Variants in GATAD2B observed in about 807,000 individuals in gnomAD.
GATAD2B encodes GATA zinc finger domain containing 2B.
In GATAD2B, 8 loss-of-function variants were observed where a neutral mutation model predicts 64.3. The observed-to-expected ratio is 0.12, with a 90% CI of 0.07 to 0.22. The LOEUF (loss-of-function observed/expected upper bound fraction) is 0.22, where lower values mean the gene tolerates loss of function less well. Ranked by LOEUF, GATAD2B falls within the 10% of genes least tolerant of loss-of-function variation. The pLI is 1.00. For synonymous variants in GATAD2B, 281 were observed against 271.3 expected, an observed-to-expected ratio of 1.04 and a Z score of -0.35; for missense variants, 453 against 752.0, an observed-to-expected ratio of 0.60 and a Z score of 4.65.
In GATAD2B at chr1:153,849,211, G is replaced by A. The variant is rs76900034; in HGVS notation, c.-1-20863C>T. On this transcript the variant is annotated intron_variant, in intron 1 of 10. Transcript: ENST00000368655. ...TATTTATTGGCACACAGTTCCAGAAGTTGGGAAGCCTAACATCAAGGTACT... is the reference window on the plus strand; with the variant it reads ...TATTTATTGGCACACAGTTCCAGAAATTGGGAAGCCTAACATCAAGGTACT... 6.6e-5 allele frequency among the ~76,000 whole-genome samples: 10 copies of A among 152,316 alleles called. No individual in the cohort carries two copies. The East Asian group carries it at 1.9e-3, about 29-fold the overall frequency.
chr1:153,843,780 T>G (rs1675580714), intron 1 of GATAD2B, among the ~76,000 whole-genome samples: 1 of 148,530 alleles, frequency 6.7e-6, no homozygotes, highest in Non-Finnish European at 1.5e-5. Context: ...GACCAGAGAT[T>G]TACCCTCTCA....
At chr1:153,847,069 T>TG (rs1446799660) in intron 1 of GATAD2B, among the ~76,000 whole-genome samples, 2 of 151,778 alleles carry the variant, frequency 1.3e-5, no homozygotes, top group Non-Finnish European at 2.9e-5. Context: ...TGGTTTTAAG[T>TG]GATTCTTGTG....
At chr1:153,812,741 G>A (rs1169819276) in intron 8 of GATAD2B, among the ~76,000 whole-genome samples, 2 of 152,068 alleles carry the variant, frequency 1.3e-5, no homozygotes, top group African/African-American at 2.4e-5. Context: ...GGGTGGAGTG[G>A]GAAATAGGAA....
chr1:153,876,227 C>CAGAAAAAAA (rs1676826576), intron 1 of GATAD2B, among the ~76,000 whole-genome samples: 2 of 48,406 alleles, frequency 4.1e-5, no homozygotes, highest in Non-Finnish European at 7.0e-5. Context: ...GACTTCGTCT[C>CAGAAAAAAA]AAAAAAAAAA....
At chr1:153,898,318 AAAAAAGAAAAAAAG>A (rs1677664148) in intron 1 of GATAD2B, among the ~76,000 whole-genome samples, 2 of 149,088 alleles carry the variant, frequency 1.3e-5, no homozygotes, top group African/African-American at 2.5e-5. Context: ...AAAAAAAAAA[AAAAAAGAAAAAAAG>A]AAAAAAGAAA....
At chr1:153,823,861 C>G (rs1472231542) in intron 2 of GATAD2B, among the ~76,000 whole-genome samples, 4 of 152,036 alleles carry the variant, frequency 2.6e-5, no homozygotes, top group Non-Finnish European at 5.9e-5. Flanking sequence ...TTCCAAGTAG[C>G]TAGGATTACA....
At chr1:153,904,707 AATTTTTTTTTTTT>A (rs1677873870) in intron 1 of GATAD2B, among the ~76,000 whole-genome samples, 1 of 151,160 alleles carries the variant, frequency 6.6e-6, no homozygotes, top group Non-Finnish European at 1.5e-5. Flanking sequence ...AGGCCCAGCT[AATTTTTTTTTTTT>A]TCTCAGACAG....
intron 1 of GATAD2B, among the ~76,000 whole-genome samples, chr1:153,900,277 G>C (rs1012784797): frequency 5.9e-5 from 9 of 151,942 alleles, no homozygotes; most frequent in African/African-American, 2.2e-4. Flanking sequence ...AAATTAGCTG[G>C]ACGTGGTGGC....
At chr1:153,913,866 G>A (rs1678175521) in intron 1 of GATAD2B, among the ~76,000 whole-genome samples, 1 of 150,694 alleles carries the variant, frequency 6.6e-6, no homozygotes, top group African/African-American at 2.4e-5. Context: ...CTTGCAGTGA[G>A]CCGAGATCGT....
intron 1 of GATAD2B, among the ~76,000 whole-genome samples, chr1:153,905,547 A>G (rs771643768): frequency 6.0e-4 from 88 of 146,890 alleles, no homozygotes; most frequent in South Asian, 1.1e-3. Flanking sequence ...AGCCAAAACA[A>G]TTTTGGAAAA....
chr1:153,813,325 G>T lies in GATAD2B; in HGVS notation c.1344C>A (p.Asn448Lys). 6.2e-7 allele frequency: 1 copy of T among 1,614,098 alleles called. No homozygotes were observed. Among genetic ancestry groups the T allele is most frequent in the Non-Finnish European group, 8.5e-7 (1 of 1,179,984 alleles). ...KILCEQCMTSNQKKALKAEHT... is the reference protein window; with the variant it reads ...KILCEQCMTSKQKKALKAEHT... ...GTTCAGCTTTTAGAGCCTTTTTCTG[G>T]TTGGAGGTCATACACTGCTCACATA... is the stretch of plus-strand genomic sequence containing the variant. Residue 448 changes from asparagine to lysine, a missense_variant, in exon 8 of 11, where the codon AAC becomes AAA. Physicochemically the swap from Asn to Lys is moderately conservative, Grantham distance 94. Coordinates refer to ENST00000368655, the MANE Select transcript of GATAD2B (RefSeq NM_020699.4).
At position 153,864,012 on chromosome 1, in the gene GATAD2B, C is replaced by A. The variant is rs138969858; in HGVS notation, c.-1-35664G>T. On this transcript the variant is annotated intron_variant, in intron 1 of 10. Transcript: ENST00000368655. ...TTATATGAAAGAAAAACAAAAAATT[C>A]TTTTTATCCTTTATACCATGGAAGT... Among the ~76,000 whole-genome samples the A allele has an allele frequency of 4.6e-5, 7 of 152,180 alleles. No individual in the cohort carries two copies. The East Asian group carries it at 5.8e-4, about 13-fold the overall frequency.
rs1674126220 is a variant in GATAD2B, at chr1:153,806,834, G to T, written c.*3343C>A. ...AGTGGGGAGAAAAGGGAATGATTAGGGAAAAGGAACAAAAGTAAAATATCA... is the reference window on the plus strand; with the variant it reads ...AGTGGGGAGAAAAGGGAATGATTAGTGAAAAGGAACAAAAGTAAAATATCA... On this transcript the variant is annotated 3_prime_UTR_variant, in exon 11 of 11. Coordinates refer to ENST00000368655, the MANE Select transcript of GATAD2B (RefSeq NM_020699.4). The T allele has an allele frequency of 6.6e-6, 1 of 152,090 alleles. No homozygotes were observed. Among genetic ancestry groups the T allele is most frequent in the Non-Finnish European group, 1.5e-5 (1 of 67,944 alleles). 9.4% of individuals were successfully genotyped at this position (152,090 alleles called of 1,614,324 possible).
chr1:153,853,095 G>C (rs1675963174), intron 1 of GATAD2B: 3 of 1,487,212 alleles, frequency 2.0e-6, no homozygotes, highest in African/African-American at 1.4e-5. Flanking sequence ...TTTGGCATTG[G>C]CAACAACCTG....
chr1:153,867,381 G>T (rs1676513948), intron 1 of GATAD2B, among the ~76,000 whole-genome samples: 1 of 152,120 alleles, frequency 6.6e-6, no homozygotes, highest in Admixed American at 6.6e-5. Context: ...TGACATGAAT[G>T]ATTATGGAAG....
chr1:153,873,657 T>C (rs1479267591), intron 1 of GATAD2B, among the ~76,000 whole-genome samples: 1 of 152,230 alleles, frequency 6.6e-6, no homozygotes, highest in Admixed American at 6.5e-5. Context: ...AATAAATTTC[T>C]TGGGGCTGGT....
At chr1:153,907,219 G>A (rs962239867) in intron 1 of GATAD2B, among the ~76,000 whole-genome samples, 3 of 152,226 alleles carry the variant, frequency 2.0e-5, no homozygotes, top group Admixed American at 6.5e-5. Flanking sequence ...GTTCACAGCA[G>A]CCTTGTTTGC....
chr1:153,852,947 T>C (rs1675955008), intron 1 of GATAD2B: 3 of 857,196 alleles, frequency 3.5e-6, no homozygotes, highest in Non-Finnish European at 4.0e-6. Flanking sequence ...CTTGTGTTAA[T>C]GCTGCCACTG....
At chr1:153,819,795 T>C (rs898458217) in intron 2 of GATAD2B, 60 bp from the exon 3 acceptor site, 19 of 1,496,326 alleles carry the variant, frequency 1.3e-5, no homozygotes, top group Non-Finnish European at 1.4e-5. Context: ...ACTTCTATGC[T>C]GAATTAAAAA....
Sources: allele counts gnomAD v4.1 joint callset (sites outside exome capture counted in the v4.1 genomes callset), GRCh38; gene constraint gnomAD v4.1.1; transcripts MANE v1.5; gene names NCBI Gene and HGNC (gene_info 2026-07-23, HGNC 2026-07-21).